The following TIPIN variants were observed in gnomAD, a reference collection of about 807,000 sequenced individuals.
TIPIN encodes TIMELESS interacting protein, also known as TIMELESS-interacting protein.
Under a neutral mutation model 35.6 loss-of-function variants are expected in TIPIN, and 29 were observed. The observed-to-expected ratio is 0.82, with a 90% CI of 0.61 to 1.11. The LOEUF (loss-of-function observed/expected upper bound fraction) is 1.11. TIPIN is among the 50% of genes most tolerant of loss of function. The pLI is 0.00. For synonymous variants in TIPIN, 102 were observed against 121.5 expected (o/e 0.84, Z 1.06); for missense variants, 296 against 345.4 (o/e 0.86, Z 1.13).
chr15:66,362,380 C>G (rs980129070), intron 1 of TIPIN, among the ~76,000 whole-genome samples: 1 of 151,846 alleles, frequency 6.6e-6, no homozygotes, highest in African/African-American at 2.4e-5. Context: ...TAGCAGGGAA[C>G]CCAGTCCACC....
chr15:66,369,556 G>A (rs1172640501), intron 1 of TIPIN, among the ~76,000 whole-genome samples: 1 of 151,590 alleles, frequency 6.6e-6, no homozygotes, highest in Non-Finnish European at 1.5e-5. Flanking sequence ...CACCATGTTA[G>A]CCAGGATGGT....
intron 1 of TIPIN, chr15:66,379,998 C>CTTTTTTTTTTTTTT (rs200332730): frequency 2.9e-5 from 8 of 276,086 alleles, no homozygotes; most frequent in Admixed American, 6.4e-5. Context: ...TTCTTTCTTT[C>CTTTTTTTTTTTTTT]TTTCTTTTTT....
chr15:66,355,072 C>A (rs2093194484), intron 1 of TIPIN, among the ~76,000 whole-genome samples: 1 of 131,874 alleles, frequency 7.6e-6, no homozygotes, highest in Non-Finnish European at 1.5e-5. Flanking sequence ...CGGGCTCTGT[C>A]ACCCAGGCTG....
chr15:66,351,101 C>T (rs2093164934), intron 4 of TIPIN, among the ~76,000 whole-genome samples: 1 of 149,760 alleles, frequency 6.7e-6, no homozygotes, highest in South Asian at 2.1e-4. Flanking sequence ...GATTCAGTTA[C>T]TAAATGTATT....
intron 2 of TIPIN, 131 bp downstream of exon 2, chr15:66,352,684 T>C: frequency 5.2e-6 from 5 of 961,494 alleles, no homozygotes; most frequent in Non-Finnish European, 5.8e-6. Context: ...GATTTCACCA[T>C]GTTGGCCAGG....
rs961361813 is a variant in TIPIN, at chr15:66,379,362, C to T, written c.-9+7245G>A. 3.8e-6 allele frequency: 6 copies of T among 1,596,884 alleles called. No homozygotes were observed. In the African/African-American group the frequency reaches 6.7e-5, roughly 18 times the overall value. On this transcript the variant is annotated intron_variant, in intron 1 of 7. Coordinates refer to the TIPIN transcript ENST00000562124. Reference sequence around the variant, plus strand: ...TTATTCATCATCCTGCTGAACAGTTCCTTTTTCAGAGACATAGATACCATT... The same window carrying T: ...TTATTCATCATCCTGCTGAACAGTTTCTTTTTCAGAGACATAGATACCATT...
Position 66,341,297 on chromosome 15 carries a change from T to G in TIPIN, c.535A>C (p.Thr179Pro). The G allele has an allele frequency of 6.2e-7, 1 of 1,613,976 alleles. No individual in the cohort carries two copies. ...VTSTELDPFLTNLSESEMFAS... is the reference protein window; with the variant it reads ...VTSTELDPFLPNLSESEMFAS... ...AACATCTCACTTTCAGATAAGTTTG[T>G]CAGAAAGGGATCTAATTCAGTAGAA... Residue 179 changes from threonine (T) to proline (P), a missense_variant, in exon 7 of 8, where the codon ACA (threonine) becomes CCA (proline). Transcript: ENST00000261881.
Position 66,345,421 on chromosome 15 carries a change from T to A in TIPIN, c.475+3639A>T, listed in dbSNP as rs117204565. Among the ~76,000 whole-genome samples the A allele has an allele frequency of 5.6e-3, 848 of 152,086 alleles. 3 individuals carry two copies. The highest frequency in any genetic ancestry group is 9.7e-3 in the Non-Finnish European group (659 of 67,984). ...AGATCCTGTCACTACAAAAACTAAA[T>A]TTAGGCCGGGCACAGTGGCTCACTG... On this transcript the variant is annotated intron_variant, in intron 6 of 7. Coordinates refer to ENST00000261881, the MANE Select transcript of TIPIN (RefSeq NM_017858.3).
intron 1 of TIPIN, among the ~76,000 whole-genome samples, chr15:66,384,587 G>A (rs2093329578): frequency 6.6e-6 from 1 of 152,140 alleles, no homozygotes; most frequent in South Asian, 2.1e-4. Flanking sequence ...AGCCGCCACT[G>A]CATCCACCCA....
chr15:66,356,719 G>A (rs1386976342), upstream of TIPIN: 1 of 985,308 alleles, frequency 1.0e-6, no homozygotes, highest in Non-Finnish European at 1.2e-6. Flanking sequence ...GGAACTCCTG[G>A]GGCGAGAAGG....
At chr15:66,356,570 C>T (rs2093205412) in intron 1 of TIPIN, 69 bp downstream of exon 1, 1 of 978,006 alleles carries the variant, frequency 1.0e-6, no homozygotes. Flanking sequence ...GCTCTTCCAT[C>T]TGGCTCCCTG....
At chr15:66,339,158 G>A (rs55963420) in intron 7 of TIPIN, among the ~76,000 whole-genome samples, 53,393 of 83,886 alleles carry the variant, frequency 0.64, 24,413 homozygotes, top group East Asian at 0.81. Flanking sequence ...AAAAAAAAAA[G>A]CAAAAAGAAA....
intron 1 of TIPIN, among the ~76,000 whole-genome samples, chr15:66,353,346 G>A (rs147445284): frequency 0.017 from 2,642 of 152,006 alleles, 37 homozygotes; most frequent in South Asian, 0.056. Context: ...GGCTGGGCGC[G>A]GTGGCTCACG....
At position 66,363,911 on chromosome 15, in the gene TIPIN, A is replaced by C. The variant is rs1010629885; in HGVS notation, c.-8-10956T>G. On this transcript the variant is annotated intron_variant, in intron 1 of 7. Coordinates refer to the TIPIN transcript ENST00000562124. Reference sequence around the variant, plus strand: ...GGCAGGAGAATGGTGTGAACCTGGGAGGCAGAGCTTGCAGTGAGCTGAGAC... The same window carrying C: ...GGCAGGAGAATGGTGTGAACCTGGGCGGCAGAGCTTGCAGTGAGCTGAGAC... 4.0e-5 allele frequency among the ~76,000 whole-genome samples: 6 copies of C among 151,292 alleles called. No homozygotes were observed. The South Asian group carries it at 8.4e-4, about 21-fold the overall frequency.
At chr15:66,358,452 T>TTGAGATGGTCTCACTTTGTTGC (rs2093216895), upstream of TIPIN, among the ~76,000 whole-genome samples, 1 of 152,014 alleles carries the variant, frequency 6.6e-6, no homozygotes, top group South Asian at 2.1e-4. Flanking sequence ...TTTTTCTTCT[T>TTGAGATGGTCTCACTTTGTTGC]TGAGATGGTC....
chr15:66,344,269 T>C (rs943848933), intron 6 of TIPIN, among the ~76,000 whole-genome samples: 19 of 152,052 alleles, frequency 1.2e-4, no homozygotes, highest in African/African-American at 4.6e-4. Context: ...CCCTAACTCC[T>C]GGCTTCAAAT....
At chr15:66,366,170 G>C (rs1291887799) in intron 1 of TIPIN, among the ~76,000 whole-genome samples, 3 of 151,702 alleles carry the variant, frequency 2.0e-5, no homozygotes, top group Non-Finnish European at 4.4e-5. Flanking sequence ...AAAAACTGGG[G>C]GTTGGCCGGG....
intron 6 of TIPIN, among the ~76,000 whole-genome samples, chr15:66,346,901 C>G (rs1210014395): frequency 6.6e-6 from 1 of 151,946 alleles, no homozygotes; most frequent in Non-Finnish European, 1.5e-5. Context: ...ACACCATTCT[C>G]CTGCCTCAGC....
In TIPIN at chr15:66,382,824, G is replaced by A. The variant is rs1317980839; in HGVS notation, c.-9+3783C>T. The A allele has an allele frequency of 7.9e-6, 4 of 507,366 alleles. No individual in the cohort carries two copies. The African/African-American group carries it at 8.4e-5, about 11-fold the overall frequency. 31.4% of individuals were successfully genotyped at this position (507,366 alleles called of 1,614,324 possible). A position where few individuals can be genotyped will look rare whatever the true frequency, so the allele number is the denominator to read the frequency against. The stretch of plus-strand genomic sequence containing the variant: ...TTCAACCAAATATATATGTTACAGT[G>A]TTTATTATTATACATCACTGATTCA... On this transcript the variant is annotated intron_variant, in intron 1 of 7. Coordinates refer to the TIPIN transcript ENST00000562124.
Sources: allele counts gnomAD v4.1 joint callset (sites outside exome capture counted in the v4.1 genomes callset), GRCh38; gene constraint gnomAD v4.1.1; transcripts MANE v1.5; gene names NCBI Gene and HGNC (gene_info 2026-07-23, HGNC 2026-07-21).